Variants in NTNG1 observed in about 807,000 individuals in gnomAD.
NTNG1 encodes netrin G1.
In NTNG1, 16 loss-of-function variants were observed where a neutral mutation model predicts 54.0. The ratio of observed to expected loss-of-function variants is 0.30; its 90% CI spans 0.20 to 0.45. The LOEUF is 0.45. NTNG1 is among the 20% of genes least tolerant of loss of function. The pLI, the probability that NTNG1 is intolerant of heterozygous loss-of-function variation, is 1.00. For synonymous variants in NTNG1, 255 were observed against 263.1 expected (o/e 0.97, Z 0.30); for missense variants, 530 against 678.7 (o/e 0.78, Z 2.43).
intron 2 of NTNG1, among the ~76,000 whole-genome samples, chr1:107,274,008 A>G (rs1274738599): frequency 4.6e-5 from 7 of 152,192 alleles, no homozygotes; most frequent in Non-Finnish European, 5.9e-5. Flanking sequence ...CTTACCATTT[A>G]CTAACATCAA....
intron 2 of NTNG1, among the ~76,000 whole-genome samples, chr1:107,265,651 A>G (rs919743208): frequency 2.0e-5 from 3 of 152,200 alleles, no homozygotes; most frequent in African/African-American, 7.2e-5. Flanking sequence ...CTGGCTCTAA[A>G]TCAGCTTTCT....
intron 2 of NTNG1, among the ~76,000 whole-genome samples, chr1:107,252,708 T>C (rs1662687708): frequency 6.6e-6 from 1 of 152,202 alleles, no homozygotes; most frequent in Admixed American, 6.5e-5. Flanking sequence ...ACACAGTCTT[T>C]TGGTATCTGA....
chr1:107,386,100 T>C (rs376335486), intron 3 of NTNG1, among the ~76,000 whole-genome samples: 2 of 147,464 alleles, frequency 1.4e-5, no homozygotes, highest in East Asian at 3.9e-4. Flanking sequence ...TGTATGTATA[T>C]ATATATACAC....
intron 2 of NTNG1, among the ~76,000 whole-genome samples, chr1:107,165,699 C>T (rs1655741221): frequency 6.6e-6 from 1 of 152,172 alleles, no homozygotes; most frequent in Non-Finnish European, 1.5e-5. Flanking sequence ...GTCTGCTTTC[C>T]TAAATTTCTG....
intron 3 of NTNG1, among the ~76,000 whole-genome samples, chr1:107,349,934 C>A (rs77843391): frequency 1.3e-5 from 2 of 152,142 alleles, no homozygotes; most frequent in South Asian, 2.1e-4. Context: ...GAAATAAATA[C>A]CTTGGAAGGG....
chr1:107,328,781 A>C (rs1368356714), intron 3 of NTNG1: 4 of 152,208 alleles, frequency 2.6e-5, no homozygotes, highest in Non-Finnish European at 5.9e-5. Flanking sequence ...ATTTCAAAGA[A>C]ATAATGTGAT....
In NTNG1 at chr1:107,408,040, CAACA is replaced by C. The variant is rs1237851968; in HGVS notation, c.1087+339_1087+342del. On this transcript the variant is annotated intron_variant, in intron 5 of 7. Transcript: ENST00000370068. ...GTCCTATTTATCCATACTTAGCAAC[CAACA>C]AACAAATTGAACTCTCTCTTAGACT... is the stretch of plus-strand genomic sequence containing the variant. 6 of 439,904 alleles carry C rather than the reference CAACA, an allele frequency of 1.4e-5. No homozygotes were observed. The Admixed American group carries it at 1.9e-4, about 14-fold the overall frequency. 27.3% of individuals were successfully genotyped at this position (439,904 alleles called of 1,614,324 possible).
At position 107,273,786 on chromosome 1, in the gene NTNG1, A is replaced by T. The variant is rs1664303668; in HGVS notation, c.247-50496A>T. ...ATATCAGTCACAGTCATGTACCCAT[A>T]GTACCCCAGTTGGTGATCCCTGAAT... On this transcript the variant is annotated intron_variant, in intron 2 of 7. Coordinates refer to ENST00000370068, the MANE Select transcript of NTNG1 (RefSeq NM_001113226.3). Among the ~76,000 whole-genome samples the T allele has an allele frequency of 2.0e-5, 3 of 152,236 alleles. No individual in the cohort carries two copies. The South Asian group carries it at 6.2e-4, about 32-fold the overall frequency.
intron 2 of NTNG1, among the ~76,000 whole-genome samples, chr1:107,313,623 A>G (rs1414393844): frequency 6.6e-6 from 1 of 152,204 alleles, no homozygotes; most frequent in Non-Finnish European, 1.5e-5. Flanking sequence ...ATTGATTTTA[A>G]GAATCTAAAA....
chr1:107,142,271 C>T (rs1236862838), intron 1 of NTNG1, among the ~76,000 whole-genome samples: 2 of 151,452 alleles, frequency 1.3e-5, no homozygotes, highest in Non-Finnish European at 2.9e-5. Flanking sequence ...AGAAACTGCG[C>T]CCTCTGCTGT....
At chr1:107,388,382 C>T (rs998973056) in intron 3 of NTNG1, among the ~76,000 whole-genome samples, 1 of 152,210 alleles carries the variant, frequency 6.6e-6, no homozygotes, top group Non-Finnish European at 1.5e-5. Flanking sequence ...CTGTACTCAG[C>T]AAGAGTGAAT....
chr1:107,419,434 A>AAAGAAAG (rs61514112), intron 5 of NTNG1, among the ~76,000 whole-genome samples: 4 of 151,990 alleles, frequency 2.6e-5, no homozygotes, highest in Admixed American at 1.3e-4. Flanking sequence ...AAAAAAGAAA[A>AAAGAAAG]CAACACTGAT....
At chr1:107,143,189 T>C (rs1245479133) in intron 1 of NTNG1, 1 of 152,152 alleles carries the variant, frequency 6.6e-6, no homozygotes, top group Non-Finnish European at 1.5e-5. Context: ...ACTGTGGAAT[T>C]TAAGACGGAT....
Position 107,484,043 on chromosome 1 carries a change from C to A in NTNG1, c.*3203C>A, listed in dbSNP as rs1441598302. Among the ~76,000 whole-genome samples the A allele has an allele frequency of 6.6e-6, 1 of 152,198 alleles. No individual in the cohort carries two copies. The highest frequency in any genetic ancestry group is 1.5e-5 in the Non-Finnish European group (1 of 68,026). On this transcript the variant is annotated 3_prime_UTR_variant, in exon 8 of 8. Coordinates refer to ENST00000370068, the MANE Select transcript of NTNG1 (RefSeq NM_001113226.3). The stretch of plus-strand genomic sequence containing the variant: ...GTTTCCTACTCAGATAACCGCCCCC[C>A]ACACGCACACTTTTAGGCCAAATGT...
At chr1:107,178,702 C>T (rs1656835269) in intron 2 of NTNG1, among the ~76,000 whole-genome samples, 1 of 152,184 alleles carries the variant, frequency 6.6e-6, no homozygotes, top group Non-Finnish European at 1.5e-5. Flanking sequence ...GTCCACAATT[C>T]AGAAGGCACA....
At chr1:107,250,711 G>T (rs1009343975) in intron 2 of NTNG1, among the ~76,000 whole-genome samples, 14 of 81,452 alleles carry the variant, frequency 1.7e-4, no homozygotes, top group African/African-American at 6.6e-4. Context: ...CAGAATCCAG[G>T]CAAGAGGGTC....
At chr1:107,386,443 G>T (rs901592966) in intron 3 of NTNG1, among the ~76,000 whole-genome samples, 15 of 152,164 alleles carry the variant, frequency 9.9e-5, no homozygotes, top group Middle Eastern at 3.4e-3. Context: ...CAAAGTGCTG[G>T]GATTACAGGC....
At chr1:107,196,242 AC>A (rs1230699470) in intron 2 of NTNG1, among the ~76,000 whole-genome samples, 1 of 151,900 alleles carries the variant, frequency 6.6e-6, no homozygotes, top group African/African-American at 2.4e-5. Flanking sequence ...GTTTAAACAT[AC>A]CTCTTTTGAC....
In NTNG1 at chr1:107,246,243, C is replaced by T. The variant is rs568448513; in HGVS notation, c.247-78039C>T. Among the ~76,000 whole-genome samples the T allele has an allele frequency of 3.7e-4, 57 of 152,156 alleles. 1 individual carries two copies. Among genetic ancestry groups the T allele is most frequent in the Admixed American group, 3.0e-3 (46 of 15,270 alleles). Reference sequence around the variant, plus strand: ...ATTATTTTTGTATTTTTAATAGAGACGGGGTTTCACCGTGTTAGCCAGAAT... The same window carrying T: ...ATTATTTTTGTATTTTTAATAGAGATGGGGTTTCACCGTGTTAGCCAGAAT... On this transcript the variant is annotated intron_variant, in intron 2 of 7. Coordinates refer to ENST00000370068, the MANE Select transcript of NTNG1 (RefSeq NM_001113226.3).
Sources: allele counts gnomAD v4.1 joint callset (sites outside exome capture counted in the v4.1 genomes callset), GRCh38; gene constraint gnomAD v4.1.1; transcripts MANE v1.5; gene names NCBI Gene and HGNC (gene_info 2026-07-23, HGNC 2026-07-21).